Variants in JMY observed in about 807,000 individuals in gnomAD.
JMY encodes the protein junction mediating and regulatory protein, p53 cofactor, also known as junction-mediating and -regulatory protein.
A neutral mutation model predicts 103.3 loss-of-function variants in JMY; 46 were observed. The observed-to-expected ratio is 0.45, with a 90% CI of 0.35 to 0.57. The LOEUF (loss-of-function observed/expected upper bound fraction) is 0.57, where lower values mean the gene tolerates loss of function less well. Among genes scored for constraint, JMY ranks in the 20% least tolerant of loss-of-function variants. The probability of loss-of-function intolerance (pLI) is 0.00; values close to 1 mark genes in which losing one functional copy is unlikely to be tolerated. For synonymous variants in JMY, 526 were observed against 489.3 expected, an observed-to-expected ratio of 1.07 and a Z score of -0.99; for missense variants, 1,238 against 1,255.2, an observed-to-expected ratio of 0.99 and a Z score of 0.21.
At chr5:79,246,917 A>AGT (rs1744923027) in intron 1 of JMY, among the ~76,000 whole-genome samples, 1 of 152,130 alleles carries the variant, frequency 6.6e-6, no homozygotes, top group South Asian at 2.1e-4. Flanking sequence ...CACTCAGAAC[A>AGT]GTGCCTGGCA....
intron 1 of JMY, among the ~76,000 whole-genome samples, chr5:79,268,971 C>T (rs376302587): frequency 5.9e-5 from 9 of 152,126 alleles, no homozygotes; most frequent in African/African-American, 2.2e-4. Flanking sequence ...TCTTTTCATT[C>T]TTAATAGTGT....
At chr5:79,307,096 A>AC (rs1332542967) in intron 7 of JMY, among the ~76,000 whole-genome samples, 52 of 152,152 alleles carry the variant, frequency 3.4e-4, no homozygotes, top group Non-Finnish European at 7.1e-4. Flanking sequence ...GCTCATTTTA[A>AC]CACCAAATAA....
At chr5:79,245,814 C>T (rs547575194) in intron 1 of JMY, among the ~76,000 whole-genome samples, 188 of 152,102 alleles carry the variant, frequency 1.2e-3, no homozygotes, top group Non-Finnish European at 1.5e-3. Context: ...TTAATAGAGA[C>T]GGGTTTTCAC....
chr5:79,318,182 T>A (rs1561318122), intron 10 of JMY, among the ~76,000 whole-genome samples: 1 of 151,074 alleles, frequency 6.6e-6, no homozygotes, highest in Admixed American at 6.6e-5. Flanking sequence ...TTCTTTTTTT[T>A]TTTTGTATTT....
At position 79,236,865 on chromosome 5, in the gene JMY, G is replaced by A. The variant is rs1230794842; in HGVS notation, c.215G>A (p.Gly72Glu). The A allele has an allele frequency of 3.0e-5, 43 of 1,436,618 alleles. No individual in the cohort carries two copies. The highest frequency in any genetic ancestry group is 2.6e-4 in the Admixed American group (10 of 37,740). 89.0% of individuals were successfully genotyped at this position (1,436,618 alleles called of 1,614,324 possible). ...AGARGGAEAGGAASDGSRGPG... is the reference protein window; with the variant it reads ...AGARGGAEAGEAASDGSRGPG... ...GCGCGAGGGGGCGCCGAGGCCGGCG[G>A]AGCTGCGTCCGACGGGAGCCGCGGG... Residue 72 changes from glycine to glutamate, a missense_variant, in exon 1 of 11, where the codon GGA becomes GAA. Transcript: ENST00000396137.
chr5:79,282,819 C>G (rs150121375), intron 2 of JMY, among the ~76,000 whole-genome samples: 2 of 152,182 alleles, frequency 1.3e-5, no homozygotes, highest in African/African-American at 4.8e-5. Context: ...TGTTTGATAG[C>G]AAAACCTGCT....
In JMY at chr5:79,322,521, A is replaced by C. The variant is rs1383613637; in HGVS notation, c.*919A>C. On this transcript the variant is annotated 3_prime_UTR_variant, in exon 11 of 11. Coordinates refer to ENST00000396137, the MANE Select transcript of JMY (RefSeq NM_152405.5). ...ACTCTTTTCACAAATTACCATTTTAAGTTTTTATTTTTATGCTCCACAGTG... is the reference window on the plus strand; with the variant it reads ...ACTCTTTTCACAAATTACCATTTTACGTTTTTATTTTTATGCTCCACAGTG... 1 of 152,236 alleles carries C rather than the reference A, an allele frequency of 6.6e-6. No individual in the cohort carries two copies. Among genetic ancestry groups the C allele is most frequent in the African/African-American group, 2.4e-5 (1 of 41,454 alleles). The allele number at this position is 152,236 out of a possible 1,614,324, so 9.4% of individuals were successfully genotyped here. A position where few individuals can be genotyped will look rare whatever the true frequency, so the allele number is the denominator to read the frequency against.
At chr5:79,288,680 GT>G (rs999144081) in intron 2 of JMY, among the ~76,000 whole-genome samples, 1 of 148,868 alleles carries the variant, frequency 6.7e-6, no homozygotes, top group African/African-American at 2.5e-5. Context: ...TTTTTTTTTT[GT>G]TTTTTTGGTA....
chr5:79,253,208 CTT>C, intron 1 of JMY, among the ~76,000 whole-genome samples: 1 of 152,102 alleles, frequency 6.6e-6, no homozygotes, highest in Admixed American at 6.6e-5. Context: ...CACTTTTTAA[CTT>C]TTTGTTGTTT....
chr5:79,276,437 T>TTC (rs1382607070), intron 1 of JMY, among the ~76,000 whole-genome samples: 1 of 151,866 alleles, frequency 6.6e-6, no homozygotes, highest in Non-Finnish European at 1.5e-5. Flanking sequence ...GTTTTGTTTG[T>TTC]TCTTTTTTTT....
intron 2 of JMY, among the ~76,000 whole-genome samples, chr5:79,283,834 G>A (rs1746191718): frequency 6.6e-6 from 1 of 152,118 alleles, no homozygotes; most frequent in Non-Finnish European, 1.5e-5. Context: ...AACAGCTTAG[G>A]GATTTCACAT....
At chr5:79,255,563 G>C (rs769657732) in intron 1 of JMY, among the ~76,000 whole-genome samples, 4 of 152,172 alleles carry the variant, frequency 2.6e-5, no homozygotes, top group Non-Finnish European at 4.4e-5. Context: ...GGGTTTGTTT[G>C]TACCTGTCCT....
chr5:79,319,497 T>G (rs1447572234), intron 10 of JMY, among the ~76,000 whole-genome samples: 1 of 152,192 alleles, frequency 6.6e-6, no homozygotes, highest in Non-Finnish European at 1.5e-5. Context: ...GGCTGTGAAC[T>G]TTTTATCTAC....
At chr5:79,297,955 G>T (rs1488062166) in intron 4 of JMY, among the ~76,000 whole-genome samples, 2 of 152,176 alleles carry the variant, frequency 1.3e-5, no homozygotes, top group African/African-American at 4.8e-5. Flanking sequence ...CGCTTCTCAA[G>T]TGCTTTTAAA....
At chr5:79,241,683 C>T (rs533490159) in intron 1 of JMY, among the ~76,000 whole-genome samples, 4 of 152,058 alleles carry the variant, frequency 2.6e-5, no homozygotes, top group South Asian at 2.1e-4. Context: ...TTTCACAGTG[C>T]GTTTAAAAGT....
At chr5:79,254,791 G>C (rs763515963) in intron 1 of JMY, among the ~76,000 whole-genome samples, 1 of 151,174 alleles carries the variant, frequency 6.6e-6, no homozygotes, top group Non-Finnish European at 1.5e-5. Context: ...TTGCCCTTTC[G>C]AGGCTATTTT....
In JMY at chr5:79,322,058, T is replaced by C. The variant is rs1344215051; in HGVS notation, c.*456T>C. On this transcript the variant is annotated 3_prime_UTR_variant, in exon 11 of 11. Coordinates refer to ENST00000396137, the MANE Select transcript of JMY (RefSeq NM_152405.5). ...TTCCATATCAGCTTATATTAAATAC[T>C]GTGACACTCTGAGAAAGTTTATCAT... is the stretch of plus-strand genomic sequence containing the variant. 1 of 152,348 alleles carries C rather than the reference T, an allele frequency of 6.6e-6. No individual in the cohort carries two copies. The highest frequency in any genetic ancestry group is 1.9e-4 in the East Asian group (1 of 5,190). The allele number at this position is 152,348 out of a possible 1,614,324, so 9.4% of individuals were successfully genotyped here. A position where few individuals can be genotyped will look rare whatever the true frequency, so the allele number is the denominator to read the frequency against.
intron 1 of JMY, among the ~76,000 whole-genome samples, chr5:79,259,617 C>T (rs377081528): frequency 2.0e-5 from 3 of 152,232 alleles, no homozygotes; most frequent in African/African-American, 4.8e-5. Flanking sequence ...GGCCTCTCTT[C>T]TGTGCTCATT....
intron 1 of JMY, among the ~76,000 whole-genome samples, chr5:79,266,965 A>G (rs1247488350): frequency 1.3e-5 from 2 of 152,228 alleles, no homozygotes; most frequent in Non-Finnish European, 2.9e-5. Context: ...ACAATGAAAT[A>G]TAACATGTCT....
Sources: allele counts gnomAD v4.1 joint callset (sites outside exome capture counted in the v4.1 genomes callset), GRCh38; gene constraint gnomAD v4.1.1; transcripts MANE v1.5; gene names NCBI Gene and HGNC (gene_info 2026-07-23, HGNC 2026-07-21).